The following ATP9A variants were observed in gnomAD, a reference collection of about 807,000 sequenced individuals.
The protein encoded by ATP9A is probable phospholipid-transporting ATPase IIA.
In ATP9A, 52 loss-of-function variants were observed where a neutral mutation model predicts 144.1. The observed-to-expected ratio is 0.36, with a 90% CI of 0.29 to 0.45. ATP9A has a LOEUF of 0.45. Among genes scored for constraint, ATP9A ranks in the 20% least tolerant of loss-of-function variants. The pLI is 1.00. For synonymous variants in ATP9A, 582 were observed against 557.4 expected, an observed-to-expected ratio of 1.04 and a Z score of -0.62; for missense variants, 947 against 1,392.7, an observed-to-expected ratio of 0.68 and a Z score of 5.09.
chr20:51,701,269 A>C (rs760448729), intron 4 of ATP9A, among the ~76,000 whole-genome samples: 2 of 152,230 alleles, frequency 1.3e-5, no homozygotes, highest in Non-Finnish European at 2.9e-5. Context: ...TGTGTACATT[A>C]GCAGGACAGA....
intron 3 of ATP9A, among the ~76,000 whole-genome samples, chr20:51,714,499 A>C (rs2077653945): frequency 6.6e-6 from 1 of 152,148 alleles, no homozygotes; most frequent in Non-Finnish European, 1.5e-5. Context: ...CTCTTGCCTC[A>C]GCCTCCCCAG....
intron 1 of ATP9A, among the ~76,000 whole-genome samples, chr20:51,738,511 C>T (rs528931375): frequency 1.3e-5 from 2 of 150,392 alleles, no homozygotes; most frequent in Non-Finnish European, 3.0e-5. Flanking sequence ...CACGACCAGC[C>T]TTGCCAACGT....
chr20:51,693,373 G>A (rs1394860237), intron 7 of ATP9A, among the ~76,000 whole-genome samples: 3 of 152,190 alleles, frequency 2.0e-5, no homozygotes, highest in Non-Finnish European at 2.9e-5. Flanking sequence ...TGACAGACCC[G>A]ACAGGCTGGT....
At chr20:51,639,220 C>T in intron 15 of ATP9A, 123 bp downstream of exon 15, 1 of 1,087,202 alleles carries the variant, frequency 9.2e-7, no homozygotes, top group Non-Finnish European at 1.3e-6. Context: ...AATTATATTC[C>T]CTTGTTAGTC....
intron 1 of ATP9A, among the ~76,000 whole-genome samples, chr20:51,737,948 G>A (rs1017166340): frequency 1.3e-5 from 2 of 152,020 alleles, no homozygotes; most frequent in Admixed American, 1.3e-4. Flanking sequence ...CAGATTCTTA[G>A]GAGACTGAAG....
rs148851180 is a variant in ATP9A, at chr20:51,710,883, C to T, written c.436+2083G>A. Among the ~76,000 whole-genome samples, 382 of 152,180 alleles carry T rather than the reference C, an allele frequency of 2.5e-3. 1 individual carries two copies. Among genetic ancestry groups the T allele is most frequent in the Non-Finnish European group, 3.8e-3 (256 of 68,014 alleles). ...AATATGAAAAGAACCAAAGGAGGGT[C>T]GAAGCCCGGATGGATGAATGAATGG... On this transcript the variant is annotated intron_variant, in intron 4 of 27. Transcript: ENST00000338821.
At chr20:51,666,215 T>C (rs2077432231) in intron 13 of ATP9A, among the ~76,000 whole-genome samples, 2 of 152,210 alleles carry the variant, frequency 1.3e-5, no homozygotes, top group African/African-American at 4.8e-5. Flanking sequence ...CAGGTTTAGA[T>C]ACCCATGCTC....
intron 17 of ATP9A, among the ~76,000 whole-genome samples, chr20:51,626,494 T>TAA (rs11483918): frequency 0.016 from 2,128 of 133,968 alleles, 31 homozygotes; most frequent in Non-Finnish European, 0.026. Flanking sequence ...CTGTCACAAA[T>TAA]AAAAAAAAAA....
intron 1 of ATP9A, chr20:51,735,210 G>A (rs6021408): frequency 0.76 from 115,390 of 152,168 alleles, 43,945 homozygotes; most frequent in Middle Eastern, 0.84. Flanking sequence ...ATAAAATAGC[G>A]CTGTGTGCAC....
At chr20:51,735,045 G>A (rs1306076221) in intron 1 of ATP9A, 20 of 199,458 alleles carry the variant, frequency 1.0e-4, no homozygotes, top group Admixed American at 9.1e-4. Context: ...AAGTGCCCAC[G>A]CCCCTAAAAG....
In ATP9A at chr20:51,680,225, T is replaced by TAAAAA. The variant is rs11478096; in HGVS notation, c.800-4022_800-4018dup. On this transcript the variant is annotated intron_variant, in intron 9 of 27. Coordinates refer to ENST00000338821, the MANE Select transcript of ATP9A (RefSeq NM_006045.3). ...AGCCTGAGCGACAGTGAGACTGTCT[T>TAAAAA]AAAAAAAAAAAAAAAAAAAAACTTG... Among the ~76,000 whole-genome samples, 70 of 123,390 alleles carry TAAAAA rather than the reference T, an allele frequency of 5.7e-4. 1 individual carries two copies. Among genetic ancestry groups the TAAAAA allele is most frequent in the African/African-American group, 1.5e-3 (48 of 31,188 alleles). The allele number at this position is 123,390 out of a possible 152,430, so 80.9% of individuals were successfully genotyped here.
intron 1 of ATP9A, among the ~76,000 whole-genome samples, chr20:51,739,697 C>T (rs867099920): frequency 1.3e-5 from 2 of 152,272 alleles, no homozygotes; most frequent in Non-Finnish European, 2.9e-5. Flanking sequence ...GCATGATGTG[C>T]GCAGGCTCCA....
chr20:51,680,831 G>T (rs539446681), intron 9 of ATP9A, among the ~76,000 whole-genome samples: 13 of 152,174 alleles, frequency 8.5e-5, no homozygotes, highest in African/African-American at 3.1e-4. Context: ...GGAAACTGAG[G>T]CCAATTAAGG....
intron 19 of ATP9A, 116 bp from the exon 20 acceptor site, chr20:51,619,159 C>A (rs1168620233): frequency 1.9e-5 from 15 of 790,962 alleles, no homozygotes; most frequent in Non-Finnish European, 2.7e-5. Context: ...AAGGGTCCCT[C>A]CCCTCCCCTG....
At chr20:51,738,811 G>A (rs1314674301) in intron 1 of ATP9A, among the ~76,000 whole-genome samples, 1 of 149,104 alleles carries the variant, frequency 6.7e-6, no homozygotes, top group Non-Finnish European at 1.5e-5. Flanking sequence ...GGCTGGGCGC[G>A]GTGGCTCACG....
intron 15 of ATP9A, 45 bp from the exon 16 acceptor site, chr20:51,629,117 C>T (rs1359162989): frequency 6.7e-7 from 1 of 1,503,294 alleles, no homozygotes; most frequent in South Asian, 1.1e-5. Flanking sequence ...AAGGAACACC[C>T]TCTTTCAGCG....
intron 4 of ATP9A, among the ~76,000 whole-genome samples, chr20:51,706,984 G>A (rs960919414): frequency 6.6e-6 from 1 of 152,138 alleles, no homozygotes; most frequent in Non-Finnish European, 1.5e-5. Context: ...GTCTTCTCTG[G>A]AGAGGCTCAG....
chr20:51,727,793 T>G (rs1268231421), intron 2 of ATP9A, among the ~76,000 whole-genome samples: 1 of 151,570 alleles, frequency 6.6e-6, no homozygotes, highest in Admixed American at 6.6e-5. Flanking sequence ...TAGCCGGACA[T>G]GGGAGCACGT....
intron 13 of ATP9A, among the ~76,000 whole-genome samples, chr20:51,668,798 G>C (rs921560621): frequency 6.6e-6 from 1 of 152,144 alleles, no homozygotes; most frequent in Non-Finnish European, 1.5e-5. Flanking sequence ...CAAGTCAGCT[G>C]TTCTAACTTA....
Sources: gnomAD v4.1 joint callset for allele counts (sites outside exome capture counted in the v4.1 genomes callset) on GRCh38, gnomAD v4.1.1 for gene constraint, MANE v1.5 for transcripts, NCBI Gene and HGNC (gene_info 2026-07-23, HGNC 2026-07-21) for gene names.